GPC6: variants seen among roughly 807,000 people sequenced by gnomAD.
The protein encoded by GPC6 is glypican-6.
In GPC6, 14 loss-of-function variants were observed where a neutral mutation model predicts 55.2. That is an observed-to-expected ratio of 0.25 (90% CI 0.17 to 0.40). The LOEUF is 0.40. Ranked by LOEUF, GPC6 falls within the 10% of genes least tolerant of loss-of-function variation. The probability of loss-of-function intolerance (pLI) is 1.00; values close to 1 mark genes in which losing one functional copy is unlikely to be tolerated. For synonymous variants in GPC6, 278 were observed against 259.6 expected (o/e 1.07, Z -0.68); for missense variants, 641 against 708.5 (o/e 0.90, Z 1.08).
At chr13:93,717,864 G>T (rs971427544) in intron 2 of GPC6, among the ~76,000 whole-genome samples, 1 of 151,686 alleles carries the variant, frequency 6.6e-6, no homozygotes, top group Admixed American at 6.6e-5. Flanking sequence ...TGCAGTGTTT[G>T]GTTTTCTGTT....
intron 2 of GPC6, among the ~76,000 whole-genome samples, chr13:93,627,997 T>C (rs1329550927): frequency 6.6e-6 from 1 of 152,224 alleles, no homozygotes; most frequent in Non-Finnish European, 1.5e-5. Flanking sequence ...GTTATCTACA[T>C]TGAGGTTACC....
At chr13:94,351,028 G>T (rs1354591036) in intron 6 of GPC6, among the ~76,000 whole-genome samples, 1 of 152,158 alleles carries the variant, frequency 6.6e-6, no homozygotes, top group East Asian at 1.9e-4. Flanking sequence ...TAATTACTGG[G>T]TAGGGGAAGG....
rs984630768 is a variant in GPC6, at chr13:93,715,083, C to T, written c.320-115071C>T. On this transcript the variant is annotated intron_variant, in intron 2 of 8. Transcript: ENST00000377047. ...TTTACTGTATCCTGTCTTATCAGTGCGGTCTTGTGACCTGTTGTCTTGGAA... is the reference window on the plus strand; with the variant it reads ...TTTACTGTATCCTGTCTTATCAGTGTGGTCTTGTGACCTGTTGTCTTGGAA... Among the ~76,000 whole-genome samples the T allele has an allele frequency of 5.9e-5, 9 of 151,560 alleles. No homozygotes were observed. In the East Asian group the frequency reaches 9.8e-4, roughly 16 times the overall value.
intron 2 of GPC6, among the ~76,000 whole-genome samples, chr13:93,829,918 G>T (rs551598844): frequency 6.6e-6 from 1 of 152,250 alleles, no homozygotes; most frequent in South Asian, 2.1e-4. Context: ...AGGATTACAT[G>T]GTAGACTCCT....
At chr13:94,133,017 C>T (rs1253482413) in intron 4 of GPC6, among the ~76,000 whole-genome samples, 1 of 152,058 alleles carries the variant, frequency 6.6e-6, no homozygotes, top group Non-Finnish European at 1.5e-5. Flanking sequence ...GTAAAATCTA[C>T]TGACAACTTG....
At chr13:93,784,967 G>A (rs571437818) in intron 2 of GPC6, among the ~76,000 whole-genome samples, 1 of 152,186 alleles carries the variant, frequency 6.6e-6, no homozygotes, top group Admixed American at 6.6e-5. Context: ...AACACACCTG[G>A]AAAAACTTCA....
intron 2 of GPC6, among the ~76,000 whole-genome samples, chr13:93,822,040 C>CATAAT (rs10662547): frequency 0.37 from 55,520 of 150,970 alleles, 10,797 homozygotes; most frequent in African/African-American, 0.48. Context: ...TATGTATACA[C>CATAAT]ATGATATACA....
intron 4 of GPC6, among the ~76,000 whole-genome samples, chr13:94,070,999 C>G (rs1884712443): frequency 6.6e-6 from 1 of 152,134 alleles, no homozygotes. Flanking sequence ...GAGAAGGATC[C>G]TGAGGTCACC....
chr13:93,218,762 G>T, the GPC6 span, among the ~76,000 whole-genome samples: 1 of 152,182 alleles, frequency 6.6e-6, no homozygotes, highest in African/African-American at 2.4e-5. Context: ...CTTAGTTCTT[G>T]TACTTATTCA....
At chr13:94,053,080 T>C (rs1884009399) in intron 4 of GPC6, among the ~76,000 whole-genome samples, 1 of 152,218 alleles carries the variant, frequency 6.6e-6, no homozygotes, top group Admixed American at 6.5e-5. Flanking sequence ...AGTGACTTCA[T>C]TTTTGAAGAG....
At chr13:94,296,916 A>G (rs529143307) in intron 5 of GPC6, among the ~76,000 whole-genome samples, 1 of 152,328 alleles carries the variant, frequency 6.6e-6, no homozygotes, top group Non-Finnish European at 1.5e-5. Flanking sequence ...TGTTATTAAT[A>G]TAATTCATAT....
intron 4 of GPC6, among the ~76,000 whole-genome samples, chr13:94,161,605 G>C (rs1888166810): frequency 6.6e-6 from 1 of 152,134 alleles, no homozygotes; most frequent in African/African-American, 2.4e-5. Context: ...GAATTGAACT[G>C]TGATGAAGTC....
At chr13:94,188,563 C>A (rs1228707275) in intron 4 of GPC6, among the ~76,000 whole-genome samples, 2 of 152,128 alleles carry the variant, frequency 1.3e-5, no homozygotes, top group East Asian at 3.9e-4. Flanking sequence ...TTACAAAGAA[C>A]CTAGCACTGC....
At chr13:93,867,497 G>C (rs967755138) in intron 3 of GPC6, among the ~76,000 whole-genome samples, 3 of 151,704 alleles carry the variant, frequency 2.0e-5, no homozygotes, top group Non-Finnish European at 4.4e-5. Context: ...ATTGAAAAGA[G>C]TAAATTAGAA....
intron 1 of GPC6, among the ~76,000 whole-genome samples, chr13:93,242,230 T>C (rs1876458326): frequency 6.6e-6 from 1 of 152,150 alleles, no homozygotes; most frequent in African/African-American, 2.4e-5. Flanking sequence ...GGATGTAGCC[T>C]AGGGAGTTCC....
Position 94,406,373 on chromosome 13 carries a change from C to T in GPC6, c.*3156C>T, listed in dbSNP as rs967351373. ...TTATGGTTCTGTATTGAAGGACAAC[C>T]ATGACAACCTTCTGTCATTTTCACG... On this transcript the variant is annotated 3_prime_UTR_variant, in exon 9 of 9. Coordinates refer to ENST00000377047, the MANE Select transcript of GPC6 (RefSeq NM_005708.5). The T allele has an allele frequency of 1.3e-5, 2 of 152,022 alleles. No individual in the cohort carries two copies. Among genetic ancestry groups the T allele is most frequent in the African/African-American group, 4.8e-5 (2 of 41,414 alleles). 9.4% of individuals were successfully genotyped at this position (152,022 alleles called of 1,614,324 possible). A position where few individuals can be genotyped will look rare whatever the true frequency, so the allele number is the denominator to read the frequency against.
At chr13:93,956,287 A>G (rs1176410110) in intron 3 of GPC6, among the ~76,000 whole-genome samples, 4 of 152,064 alleles carry the variant, frequency 2.6e-5, no homozygotes, top group Non-Finnish European at 4.4e-5. Flanking sequence ...ATAATACATA[A>G]TACTTAATGA....
intron 6 of GPC6, among the ~76,000 whole-genome samples, chr13:94,345,898 C>T (rs898145213): frequency 2.0e-5 from 3 of 152,148 alleles, no homozygotes; most frequent in South Asian, 2.1e-4. Context: ...CAGAAGCATG[C>T]GCCCCCTGAA....
chr13:93,567,475 A>G (rs1876187145), intron 2 of GPC6, among the ~76,000 whole-genome samples: 1 of 149,308 alleles, frequency 6.7e-6, no homozygotes, highest in African/African-American at 2.5e-5. Context: ...TGTTCTATTG[A>G]AACTTTTTTT....
Sources: gnomAD v4.1 joint callset for allele counts (sites outside exome capture counted in the v4.1 genomes callset) on GRCh38, gnomAD v4.1.1 for gene constraint, MANE v1.5 for transcripts, NCBI Gene and HGNC (gene_info 2026-07-23, HGNC 2026-07-21) for gene names.